The following AFF3 variants were observed in gnomAD, a reference collection of about 807,000 sequenced individuals.
AFF3 encodes ALF transcription elongation factor 3.
In AFF3, 32 loss-of-function variants were observed where a neutral mutation model predicts 129.7. The ratio of observed to expected loss-of-function variants is 0.25; its 90% confidence interval spans 0.19 to 0.33. The LOEUF is 0.33. Among genes scored for constraint, AFF3 ranks in the 10% least tolerant of loss-of-function variants. The probability of loss-of-function intolerance (pLI) is 1.00; values close to 1 mark genes in which losing one functional copy is unlikely to be tolerated. For missense variants in AFF3, 1,373 were observed against 1,592.0 expected (o/e 0.86, Z 2.34); for synonymous variants, 644 against 635.4 (o/e 1.01, Z -0.20).
chr2:99,829,236 C>T (rs968879081), intron 8 of AFF3, among the ~76,000 whole-genome samples: 1 of 152,162 alleles, frequency 6.6e-6, no homozygotes, highest in Non-Finnish European at 1.5e-5. Context: ...GCAAAGACTT[C>T]ATGACTAAAA....
At chr2:99,909,713 G>C (rs1454345635) in intron 7 of AFF3, among the ~76,000 whole-genome samples, 1 of 152,078 alleles carries the variant, frequency 6.6e-6, no homozygotes, top group Non-Finnish European at 1.5e-5. Flanking sequence ...TGAAAACCAA[G>C]AATGTGGCAT....
At chr2:99,884,513 C>A (rs1033567959) in intron 7 of AFF3, among the ~76,000 whole-genome samples, 1 of 152,106 alleles carries the variant, frequency 6.6e-6, no homozygotes, top group Non-Finnish European at 1.5e-5. Context: ...ATTCTCCTGC[C>A]CCAGCCTCCC....
intron 11 of AFF3, among the ~76,000 whole-genome samples, chr2:99,677,154 C>T (rs1220049675): frequency 6.6e-6 from 1 of 150,878 alleles, no homozygotes. Context: ...CCTGTAAACC[C>T]AGCTACTAGG....
At chr2:100,000,133 CTATT>C (rs1470754170) in intron 7 of AFF3, among the ~76,000 whole-genome samples, 1 of 152,208 alleles carries the variant, frequency 6.6e-6, no homozygotes, top group Non-Finnish European at 1.5e-5. Flanking sequence ...ATTAAACACA[CTATT>C]TAATACACTG....
intron 13 of AFF3, among the ~76,000 whole-genome samples, chr2:99,605,387 T>C (rs762836994): frequency 1.3e-5 from 2 of 152,328 alleles, no homozygotes; most frequent in Non-Finnish European, 2.9e-5. Flanking sequence ...GAAACAATCA[T>C]AGCAAAGATG....
chr2:99,923,158 C>G (rs1161533562), intron 7 of AFF3, among the ~76,000 whole-genome samples: 1 of 152,186 alleles, frequency 6.6e-6, no homozygotes, highest in African/African-American at 2.4e-5. Context: ...CACAGCAGTA[C>G]TGAGCTCCAT....
intron 11 of AFF3, chr2:99,707,012 C>T (rs1677461976): frequency 1.3e-6 from 1 of 780,708 alleles, no homozygotes; most frequent in South Asian, 5.8e-5. Context: ...ATTCAGCAGA[C>T]AGCACAAGCC....
chr2:99,827,457 T>A (rs1331984866), intron 8 of AFF3, among the ~76,000 whole-genome samples: 1 of 151,972 alleles, frequency 6.6e-6, no homozygotes, highest in African/African-American at 2.4e-5. Context: ...CATGGGGAAA[T>A]GCTCTCTGTA....
chr2:99,630,932 C>T (rs1368745030), intron 13 of AFF3: 4 of 397,776 alleles, frequency 1.0e-5, no homozygotes, highest in East Asian at 8.6e-5. Context: ...GAAGAAGTGA[C>T]GTAGCAGAGA....
chr2:99,807,347 G>A (rs1686433163), intron 8 of AFF3, among the ~76,000 whole-genome samples: 2 of 152,152 alleles, frequency 1.3e-5, no homozygotes, highest in Admixed American at 1.3e-4. Context: ...GTTTGGAAAG[G>A]ATCCTGGACT....
chr2:99,811,318 A>G (rs1686771917), intron 8 of AFF3, among the ~76,000 whole-genome samples: 1 of 152,204 alleles, frequency 6.6e-6, no homozygotes, highest in African/African-American at 2.4e-5. Flanking sequence ...TTTGACATTC[A>G]TCCTTTTGGT....
intron 17 of AFF3, among the ~76,000 whole-genome samples, chr2:99,581,380 AG>A (rs1320312428): frequency 6.6e-6 from 1 of 152,180 alleles, no homozygotes; most frequent in Non-Finnish European, 1.5e-5. Context: ...TGCACAAAAA[AG>A]GTTCATTTCC....
intron 9 of AFF3, 100 bp downstream of exon 9, chr2:99,752,121 A>G (rs912401886): frequency 1.8e-5 from 19 of 1,084,978 alleles, no homozygotes; most frequent in African/African-American, 3.1e-5. Context: ...TCTGGCAGGA[A>G]TATTTACAGA....
intron 7 of AFF3, among the ~76,000 whole-genome samples, chr2:99,954,012 T>C (rs1034497242): frequency 1.3e-5 from 2 of 152,224 alleles, no homozygotes; most frequent in African/African-American, 4.8e-5. Flanking sequence ...GTAGGTTTGA[T>C]TGCTGGACAA....
rs866554041 is a variant in AFF3, at chr2:99,989,733, T to C, written c.873+16899A>G. The stretch of plus-strand genomic sequence containing the variant: ...GTCCATCTGTGAATTTTCATCAAAA[T>C]TGTATTTTTAATTCTATGAAAAAAG... On this transcript the variant is annotated intron_variant, in intron 7 of 24. Transcript: ENST00000672756. Among the ~76,000 whole-genome samples the C allele has an allele frequency of 3.3e-5, 5 of 152,172 alleles. No individual in the cohort carries two copies. In the East Asian group the frequency reaches 9.6e-4, roughly 29 times the overall value.
At chr2:99,972,500 G>A (rs1224688546) in intron 7 of AFF3, among the ~76,000 whole-genome samples, 3 of 152,198 alleles carry the variant, frequency 2.0e-5, no homozygotes, top group Non-Finnish European at 4.4e-5. Context: ...AGAGTTTCAT[G>A]GAATGTCCAT....
chr2:100,047,478 G>GT (rs1685930759), intron 4 of AFF3, among the ~76,000 whole-genome samples: 1 of 152,126 alleles, frequency 6.6e-6, no homozygotes, highest in Non-Finnish European at 1.5e-5. Flanking sequence ...CACAGACCCC[G>GT]TCCTTATTAC....
At chr2:99,564,022 G>A (rs922714772) in intron 20 of AFF3, among the ~76,000 whole-genome samples, 2 of 152,042 alleles carry the variant, frequency 1.3e-5, no homozygotes, top group African/African-American at 4.8e-5. Flanking sequence ...TGGCTGGCAT[G>A]GTTTTTTGTT....
chr2:100,073,758 T>C (rs1688380604), intron 4 of AFF3, among the ~76,000 whole-genome samples: 2 of 152,202 alleles, frequency 1.3e-5, no homozygotes, highest in South Asian at 4.1e-4. Flanking sequence ...TGTCAAGGGC[T>C]TTTCAGATGA....
Sources: gnomAD v4.1 joint callset for allele counts (sites outside exome capture counted in the v4.1 genomes callset) on GRCh38, gnomAD v4.1.1 for gene constraint, MANE v1.5 for transcripts, NCBI Gene and HGNC (gene_info 2026-07-23, HGNC 2026-07-21) for gene names.